Variants in PPP2R1A observed in about 807,000 individuals in gnomAD.
PPP2R1A encodes protein phosphatase 2 scaffold subunit Aalpha.
Under a neutral mutation model 67.1 loss-of-function variants are expected in PPP2R1A, and 15 were observed. The ratio of observed to expected loss-of-function variants is 0.22; its 90% CI spans 0.15 to 0.34. The LOEUF (loss-of-function observed/expected upper bound fraction) is 0.34. Among genes scored for constraint, PPP2R1A ranks in the 10% least tolerant of loss-of-function variants. The pLI, the probability that PPP2R1A is intolerant of heterozygous loss-of-function variation, is 1.00. For missense variants in PPP2R1A, 369 were observed against 775.0 expected (o/e 0.48, Z 6.22); for synonymous variants, 337 against 325.0 (o/e 1.04, Z -0.40).
chr19:52,192,953 G>T (rs563464197), intron 1 of PPP2R1A, among the ~76,000 whole-genome samples: 31 of 152,320 alleles, frequency 2.0e-4, no homozygotes, highest in African/African-American at 7.2e-4. Flanking sequence ...AGAGATGGCC[G>T]CAAAGCTTCA....
intron 9 of PPP2R1A, among the ~76,000 whole-genome samples, chr19:52,217,159 C>T (rs374843339): frequency 3.3e-5 from 5 of 152,228 alleles, no homozygotes; most frequent in African/African-American, 1.2e-4. Flanking sequence ...CACTGCACTC[C>T]AGCCTGGACA....
intron 3 of PPP2R1A, among the ~76,000 whole-genome samples, chr19:52,209,517 G>A (rs2089643021): frequency 6.6e-6 from 1 of 152,150 alleles, no homozygotes; most frequent in African/African-American, 2.4e-5. Context: ...TAGTTTTACT[G>A]TAAAAATATA....
In PPP2R1A at chr19:52,213,607, T is replaced by C. The variant is rs1978378973; in HGVS notation, c.807+497T>C. On this transcript the variant is annotated intron_variant, in intron 6 of 14. Coordinates refer to ENST00000322088, the MANE Select transcript of PPP2R1A (RefSeq NM_014225.6). The surrounding 1 kb of genome is among the most constrained non-coding windows in gnomAD (Gnocchi z 4.2). ...AGGCATTTCTCCTGCCTCAGCCTCC[T>C]GAGGGACTGGGATTACAGATGCCCA... Among the ~76,000 whole-genome samples, 1 of 151,624 alleles carries C rather than the reference T, an allele frequency of 6.6e-6. No homozygotes were observed. Among genetic ancestry groups the C allele is most frequent in the South Asian group, 2.1e-4 (1 of 4,800 alleles).
intron 1 of PPP2R1A, among the ~76,000 whole-genome samples, chr19:52,193,084 C>CG (rs2089469013): frequency 6.6e-6 from 1 of 152,210 alleles, no homozygotes; most frequent in Non-Finnish European, 1.5e-5. Flanking sequence ...ATATCACTGA[C>CG]GATCTTACTG....
Position 52,216,164 on chromosome 19 carries a change from A to G in PPP2R1A, c.993+90A>G. ...CAAGGCTTTGGGGATAGTCAGCTGC[A>G]AACTAGGTTCCCAGCCCTCTGGGAC... On this transcript the variant is annotated intron_variant, in intron 8 of 14. Transcript: ENST00000322088. This position sits in a 1 kb window ranked among gnomAD's most constrained non-coding sequence, Gnocchi z 4.3. The G allele has an allele frequency of 7.0e-7, 1 of 1,430,670 alleles. No individual in the cohort carries two copies. Among genetic ancestry groups the G allele is most frequent in the Non-Finnish European group, 9.8e-7 (1 of 1,024,016 alleles). 88.6% of individuals were successfully genotyped at this position (1,430,670 alleles called of 1,614,324 possible).
In PPP2R1A at chr19:52,212,593, G is replaced by C. The variant is rs1213581518; in HGVS notation, c.504-93G>C. 1.6e-5 allele frequency: 23 copies of C among 1,473,334 alleles called. No individual in the cohort carries two copies. The highest frequency in any genetic ancestry group is 2.1e-5 in the Non-Finnish European group (23 of 1,092,110). The allele number at this position is 1,473,334 out of a possible 1,614,324, so 91.3% of individuals were successfully genotyped here. A position where few individuals can be genotyped will look rare whatever the true frequency, so the allele number is the denominator to read the frequency against. On this transcript the variant is annotated intron_variant, in intron 4 of 14. Transcript: ENST00000322088. This position sits in a 1 kb window ranked among gnomAD's most constrained non-coding sequence, Gnocchi z 4.1. ...GTCATCACTTGCCCAAGGTCATTCA[G>C]CTAAAACCTGGACCCACACAACTGC...
intron 2 of PPP2R1A, among the ~76,000 whole-genome samples, chr19:52,204,108 C>T (rs369912307): frequency 2.6e-5 from 4 of 152,238 alleles, no homozygotes; most frequent in African/African-American, 7.2e-5. Flanking sequence ...ATGTGGAACT[C>T]TGTGGGAAGA....
chr19:52,195,478 A>G (rs907723482), intron 1 of PPP2R1A, among the ~76,000 whole-genome samples: 4 of 152,184 alleles, frequency 2.6e-5, no homozygotes, highest in Non-Finnish European at 4.4e-5. Flanking sequence ...CCTCCAATTC[A>G]GTTCAGACAC....
intron 9 of PPP2R1A, among the ~76,000 whole-genome samples, chr19:52,217,035 C>A (rs1978617168): frequency 6.6e-6 from 1 of 151,976 alleles, no homozygotes; most frequent in African/African-American, 2.4e-5. Context: ...GCTAAAAATG[C>A]AAAAATTAGC....
chr19:52,213,214 G>C lies in PPP2R1A; in HGVS notation c.807+104G>C. The C allele has an allele frequency of 7.3e-7, 1 of 1,361,456 alleles. No homozygotes were observed. The highest frequency in any genetic ancestry group is 9.6e-7 in the Non-Finnish European group (1 of 1,040,288). The allele number at this position is 1,361,456 out of a possible 1,614,324, so 84.3% of individuals were successfully genotyped here. A position where few individuals can be genotyped will look rare whatever the true frequency, so the allele number is the denominator to read the frequency against. ...TTTCCATTAGGCCGATGGAACCATT[G>C]GGCGTTTGAGCAATAAGATCTCTAT... On this transcript the variant is annotated intron_variant, in intron 6 of 14. Transcript: ENST00000322088. This position sits in a 1 kb window ranked among gnomAD's most constrained non-coding sequence, Gnocchi z 4.2.
chr19:52,196,286 A>G (rs182052697), intron 1 of PPP2R1A, among the ~76,000 whole-genome samples: 64 of 152,314 alleles, frequency 4.2e-4, no homozygotes, highest in African/African-American at 1.5e-3. Context: ...GGAGACCCCA[A>G]CCTAGAGTTG....
At chr19:52,203,206 G>T in intron 2 of PPP2R1A, among the ~76,000 whole-genome samples, 1 of 152,128 alleles carries the variant, frequency 6.6e-6, no homozygotes, top group Non-Finnish European at 1.5e-5. Flanking sequence ...GAGGTGCAGT[G>T]ACTCGCCTAC....
chr19:52,214,743 T>G (rs1169900849), intron 6 of PPP2R1A, among the ~76,000 whole-genome samples: 1 of 151,870 alleles, frequency 6.6e-6, no homozygotes. Context: ...TTTTTTTTTT[T>G]TAAGACAGAG....
At position 52,211,556 on chromosome 19, in the gene PPP2R1A, C is replaced by A; in HGVS notation, c.503+64C>A. 6.6e-7 allele frequency: 1 copy of A among 1,516,558 alleles called. No homozygotes were observed. The highest frequency in any genetic ancestry group is 1.3e-5 in the South Asian group (1 of 79,114). 93.9% of individuals were successfully genotyped at this position (1,516,558 alleles called of 1,614,324 possible). ...TCAGCTCCAACCTTCTCTAAAGCCT[C>A]AGACTCCTTTTGGTCTAGCTGGGGC... On this transcript the variant is annotated intron_variant, in intron 4 of 14. Transcript: ENST00000322088. This position sits in a 1 kb window ranked among gnomAD's most constrained non-coding sequence, Gnocchi z 5.3.
rs145417094 is a variant in PPP2R1A, at chr19:52,212,984, G to T, written c.681G>T (p.Ala227=). The T allele has an allele frequency of 6.8e-6, 11 of 1,608,082 alleles. No homozygotes were observed. Among genetic ancestry groups the T allele is most frequent in the Non-Finnish European group, 4.2e-6 (5 of 1,177,394 alleles). Reference sequence around the variant, plus strand: ...CGGTGCGGCTGCTGGCGGTGGAGGCGTGCGTGAACATCGCCCAGCTTCTGC... The same window carrying T: ...CGGTGCGGCTGCTGGCGGTGGAGGCTTGCGTGAACATCGCCCAGCTTCTGC... ...QDSVRLLAVE[A]CVNIAQLLPQ... is the part of the protein sequence containing the mutation. The change falls in exon 6 of 15, where the codon GCG becomes GCT. Residue 227 remains alanine (A), a synonymous_variant. Coordinates refer to ENST00000322088, the MANE Select transcript of PPP2R1A (RefSeq NM_014225.6). The surrounding 1 kb of genome is among the most constrained non-coding windows in gnomAD (Gnocchi z 4.1).
intron 3 of PPP2R1A, among the ~76,000 whole-genome samples, chr19:52,208,259 C>T (rs2122319734): frequency 6.6e-6 from 1 of 152,188 alleles, no homozygotes; most frequent in African/African-American, 2.4e-5. Context: ...ACCTCTGCCT[C>T]CCAGGTTCAG....
chr19:52,222,807 G>C (rs1979020885), intron 13 of PPP2R1A, among the ~76,000 whole-genome samples: 1 of 152,208 alleles, frequency 6.6e-6, no homozygotes, highest in Admixed American at 6.5e-5. Flanking sequence ...AATCCAGGAG[G>C]TGGAGGTTGC....
At chr19:52,220,567 A>G (rs888278278) in intron 11 of PPP2R1A, among the ~76,000 whole-genome samples, 5 of 151,932 alleles carry the variant, frequency 3.3e-5, no homozygotes, top group African/African-American at 1.2e-4. Context: ...TGAGCCCCAC[A>G]CTCATTCTTT....
intron 2 of PPP2R1A, among the ~76,000 whole-genome samples, chr19:52,204,684 G>C (rs1023454431): frequency 2.6e-5 from 4 of 152,216 alleles, no homozygotes; most frequent in Non-Finnish European, 5.9e-5. Flanking sequence ...GGTTTTAACT[G>C]TGTGCAGAGG....
Sources: gnomAD v4.1 joint callset for allele counts (sites outside exome capture counted in the v4.1 genomes callset) on GRCh38, gnomAD v4.1.1 for gene constraint, Gnocchi (gnomAD v3.1) non-coding constraint, MANE v1.5 for transcripts, NCBI Gene and HGNC (gene_info 2026-07-23, HGNC 2026-07-21) for gene names.